Variants in PLCB1 observed in about 807,000 individuals in gnomAD.
The protein encoded by PLCB1 is 1-phosphatidylinositol 4,5-bisphosphate phosphodiesterase beta-1.
In PLCB1, 46 loss-of-function variants were observed where a neutral mutation model predicts 161.8. The observed-to-expected ratio is 0.28, with a 90% confidence interval of 0.22 to 0.36. The LOEUF is 0.36. Among genes scored for constraint, PLCB1 ranks in the 10% least tolerant of loss-of-function variants. The pLI, the probability that PLCB1 is intolerant of heterozygous loss-of-function variation, is 1.00. For missense variants in PLCB1, 1,016 were observed against 1,472.5 expected (o/e 0.69, Z 5.07); for synonymous variants, 517 against 503.7 (o/e 1.03, Z -0.35).
intron 2 of PLCB1, among the ~76,000 whole-genome samples, chr20:8,360,230 C>T (rs992782253): frequency 1.3e-5 from 2 of 152,196 alleles, no homozygotes; most frequent in Non-Finnish European, 2.9e-5. Flanking sequence ...CTGCTCTCTA[C>T]ACATCTGAGT....
intron 3 of PLCB1, among the ~76,000 whole-genome samples, chr20:8,584,642 A>G (rs894096480): frequency 5.3e-5 from 8 of 151,950 alleles, no homozygotes; most frequent in Admixed American, 5.2e-4. Context: ...TGTTTTTCCA[A>G]GTTGGAGCAG....
At chr20:8,547,473 C>T (rs959593606) in intron 3 of PLCB1, among the ~76,000 whole-genome samples, 9 of 152,166 alleles carry the variant, frequency 5.9e-5, no homozygotes, top group African/African-American at 2.2e-4. Context: ...AATAACGTCA[C>T]CACCACCCAC....
intron 2 of PLCB1, among the ~76,000 whole-genome samples, chr20:8,255,220 G>C (rs1297831930): frequency 1.3e-5 from 2 of 152,038 alleles, no homozygotes; most frequent in African/African-American, 4.8e-5. Context: ...TTACAAAAAT[G>C]AACAGTGCAA....
intron 3 of PLCB1, among the ~76,000 whole-genome samples, chr20:8,405,472 G>A (rs767736899): frequency 2.0e-5 from 3 of 152,166 alleles, no homozygotes; most frequent in Admixed American, 6.5e-5. Flanking sequence ...CAAGTCTCAA[G>A]GTCAAGCCAG....
chr20:8,494,756 T>G (rs1207316655), intron 3 of PLCB1, among the ~76,000 whole-genome samples: 1 of 152,224 alleles, frequency 6.6e-6, no homozygotes, highest in African/African-American at 2.4e-5. Flanking sequence ...TGCTGTTTAC[T>G]TCCTTGCTTC....
intron 2 of PLCB1, among the ~76,000 whole-genome samples, chr20:8,292,862 A>C (rs1438370740): frequency 6.6e-6 from 1 of 152,182 alleles, no homozygotes. Flanking sequence ...TAACATATGT[A>C]AAACTCCTTG....
chr20:8,777,873 G>C (rs116468494), intron 27 of PLCB1, among the ~76,000 whole-genome samples: 1,835 of 152,220 alleles, frequency 0.012, 42 homozygotes, highest in African/African-American at 0.041. Context: ...CAGAAGACAA[G>C]TCATGTCTTA....
intron 2 of PLCB1, among the ~76,000 whole-genome samples, chr20:8,170,715 G>A (rs887847203): frequency 6.6e-6 from 1 of 152,098 alleles, no homozygotes; most frequent in African/African-American, 2.4e-5. Flanking sequence ...GAATAGAAAA[G>A]ACTGAGCCTA....
intron 2 of PLCB1, among the ~76,000 whole-genome samples, chr20:8,297,020 A>G (rs955826725): frequency 4.6e-5 from 7 of 152,108 alleles, no homozygotes; most frequent in African/African-American, 1.7e-4. Flanking sequence ...GAGTACATAT[A>G]GTTGTGTGTA....
chr20:8,567,674 G>A (rs6055906), intron 3 of PLCB1, among the ~76,000 whole-genome samples: 15,031 of 151,956 alleles, frequency 0.099, 967 homozygotes, highest in East Asian at 0.16. Flanking sequence ...TCAGTAGTGG[G>A]ATGGTGCCTG....
At chr20:8,644,690 T>A (rs1286092176) in intron 4 of PLCB1, among the ~76,000 whole-genome samples, 1 of 148,700 alleles carries the variant, frequency 6.7e-6, no homozygotes, top group South Asian at 2.2e-4. Flanking sequence ...AGCCGCCCCG[T>A]CCGGGAGGGA....
At chr20:8,331,332 G>C (rs1985355466) in intron 2 of PLCB1, among the ~76,000 whole-genome samples, 1 of 151,174 alleles carries the variant, frequency 6.6e-6, no homozygotes, top group Non-Finnish European at 1.5e-5. Flanking sequence ...GAAAGAATGA[G>C]ATTCAATACG....
chr20:8,307,263 G>C (rs373047051), intron 2 of PLCB1, among the ~76,000 whole-genome samples: 1 of 152,166 alleles, frequency 6.6e-6, no homozygotes, highest in African/African-American at 2.4e-5. Context: ...CAGTTGAAAG[G>C]CTCTGTCTCT....
chr20:8,496,329 C>CAAAAAAAAAAAAAA (rs71331309), intron 3 of PLCB1, among the ~76,000 whole-genome samples: 1 of 91,998 alleles, frequency 1.1e-5, no homozygotes, highest in African/African-American at 3.7e-5. Flanking sequence ...CCCATCTCTG[C>CAAAAAAAAAAAAAA]AAAAAAAAAA....
At chr20:8,244,526 A>G (rs555717148) in intron 2 of PLCB1, among the ~76,000 whole-genome samples, 1 of 152,028 alleles carries the variant, frequency 6.6e-6, no homozygotes, top group East Asian at 1.9e-4. Flanking sequence ...CAAGAAAGGC[A>G]AAACTAATTG....
intron 2 of PLCB1, among the ~76,000 whole-genome samples, chr20:8,353,528 G>C (rs1019748746): frequency 6.6e-6 from 1 of 152,014 alleles, no homozygotes; most frequent in Non-Finnish European, 1.5e-5. Context: ...AGCTGACCAA[G>C]GATAATCTCA....
chr20:8,400,435 T>A (rs150620942), intron 3 of PLCB1, among the ~76,000 whole-genome samples: 2 of 152,184 alleles, frequency 1.3e-5, no homozygotes, highest in Non-Finnish European at 1.5e-5. Context: ...ATTGGTCTGA[T>A]GTAATGTTTT....
intron 18 of PLCB1, among the ~76,000 whole-genome samples, chr20:8,730,311 C>T (rs1219298132): frequency 6.6e-6 from 1 of 151,880 alleles, no homozygotes; most frequent in Non-Finnish European, 1.5e-5. Context: ...TCCATAGTCT[C>T]AGTGAGATCA....
rs534873182 is a variant in PLCB1 at position 8,291,101 on chromosome 20, G to A, written c.178-80281G>A. Among the ~76,000 whole-genome samples the A allele has an allele frequency of 5.9e-5, 9 of 151,444 alleles. No homozygotes were observed. The South Asian group carries it at 1.9e-3, about 32-fold the overall frequency. ...CCATCAAACTGAAAATTGAGTAGAA[G>A]CTTCTGTGTTGCAGTAATTTTTTGT... On this transcript the variant is annotated intron_variant, in intron 2 of 31. Coordinates refer to ENST00000338037, the MANE Select transcript of PLCB1 (RefSeq NM_015192.4).
Sources: gnomAD v4.1 joint callset for allele counts (sites outside exome capture counted in the v4.1 genomes callset) on GRCh38, gnomAD v4.1.1 for gene constraint, MANE v1.5 for transcripts, NCBI Gene and HGNC (gene_info 2026-07-23, HGNC 2026-07-21) for gene names.